Variants in SLC35D4 observed in about 807,000 individuals in gnomAD.
The protein encoded by SLC35D4 is solute carrier family 35 member D4.
chr18:23,255,840 C>T, the SLC35D4 span, among the ~76,000 whole-genome samples: 3 of 152,216 alleles, frequency 2.0e-5, no homozygotes, highest in South Asian at 4.2e-4. Context: ...GGATTTTAGG[C>T]GTGAGTCACC....
At chr18:23,261,846 C>T in the SLC35D4 span, among the ~76,000 whole-genome samples, 5 of 152,196 alleles carry the variant, frequency 3.3e-5, no homozygotes, top group African/African-American at 1.2e-4. Context: ...TACATTTATA[C>T]GGAATGCTTT....
chr18:23,243,690 T>C, the SLC35D4 span, among the ~76,000 whole-genome samples: 1 of 151,766 alleles, frequency 6.6e-6, no homozygotes, highest in Non-Finnish European at 1.5e-5. Flanking sequence ...CTGGCCAACA[T>C]GGCAAAACCG....
chr18:23,389,463 G>C, the SLC35D4 span, among the ~76,000 whole-genome samples: 1 of 152,138 alleles, frequency 6.6e-6, no homozygotes, highest in African/African-American at 2.4e-5. Flanking sequence ...AAGCTAACAG[G>C]CTTTAAAGAC....
the SLC35D4 span, among the ~76,000 whole-genome samples, chr18:23,279,123 T>C: frequency 6.6e-6 from 1 of 152,206 alleles, no homozygotes; most frequent in Non-Finnish European, 1.5e-5. Context: ...CTCCTTCAGC[T>C]TCTGCTCCAC....
At chr18:23,416,098 C>A in the SLC35D4 span, among the ~76,000 whole-genome samples, 1 of 152,144 alleles carries the variant, frequency 6.6e-6, no homozygotes, top group East Asian at 1.9e-4. Flanking sequence ...GTAATCTCAG[C>A]TACTCAGGAA....
chr18:23,286,117 A>G, the SLC35D4 span, among the ~76,000 whole-genome samples: 1 of 152,224 alleles, frequency 6.6e-6, no homozygotes, highest in Non-Finnish European at 1.5e-5. Context: ...CTCAAACCCT[A>G]CAACAGGACT....
the SLC35D4 span, among the ~76,000 whole-genome samples, chr18:23,249,493 C>T: frequency 1.9e-3 from 293 of 152,284 alleles, no homozygotes; most frequent in African/African-American, 6.6e-3. Context: ...GGTGCAGGTG[C>T]GAGGCCCCAC....
At chr18:23,243,654 C>T in the SLC35D4 span, among the ~76,000 whole-genome samples, 1 of 151,774 alleles carries the variant, frequency 6.6e-6, no homozygotes, top group South Asian at 2.1e-4. Flanking sequence ...GGGTGGATCA[C>T]CTGAGGTCAG....
the SLC35D4 span, among the ~76,000 whole-genome samples, chr18:23,266,827 C>T: frequency 6.6e-6 from 1 of 152,234 alleles, no homozygotes; most frequent in African/African-American, 2.4e-5. Flanking sequence ...GCCCCCTCAG[C>T]GGCACCCGCC....
At chr18:23,256,086 C>G in the SLC35D4 span, among the ~76,000 whole-genome samples, 1 of 152,162 alleles carries the variant, frequency 6.6e-6, no homozygotes, top group African/African-American at 2.4e-5. Context: ...CAGCCACTTA[C>G]GGTAGCAAGA....
the SLC35D4 span, among the ~76,000 whole-genome samples, chr18:23,349,501 C>T: frequency 1.8e-3 from 278 of 152,232 alleles, 1 homozygote; most frequent in African/African-American, 6.3e-3. Context: ...CGTGGTGGCA[C>T]GCACCTGTAG....
At chr18:23,394,014 A>T in the SLC35D4 span, among the ~76,000 whole-genome samples, 1 of 152,348 alleles carries the variant, frequency 6.6e-6, no homozygotes, top group East Asian at 1.9e-4. Context: ...AGCCAAATGA[A>T]TATGGATGCA....
chr18:23,391,945 T>C, the SLC35D4 span, among the ~76,000 whole-genome samples: 562 of 151,542 alleles, frequency 3.7e-3, 6 homozygotes, highest in South Asian at 0.037. Context: ...TCTTCTTCTT[T>C]TTTTTTTTTT....
the SLC35D4 span, among the ~76,000 whole-genome samples, chr18:23,316,134 C>T: frequency 6.6e-6 from 1 of 152,198 alleles, no homozygotes; most frequent in African/African-American, 2.4e-5. Context: ...CCTCCAACTC[C>T]AGCCACAAGG....
At chr18:23,315,749 G>C in the SLC35D4 span, among the ~76,000 whole-genome samples, 3 of 152,184 alleles carry the variant, frequency 2.0e-5, 1 homozygote, top group Non-Finnish European at 4.4e-5. Context: ...GCGGATCTAA[G>C]CCTAGATCTC....
the SLC35D4 span, among the ~76,000 whole-genome samples, chr18:23,365,278 G>C: frequency 1.3e-5 from 2 of 152,052 alleles, no homozygotes; most frequent in African/African-American, 4.8e-5. Flanking sequence ...TTGAACTTTT[G>C]AACTTTTTCA....
chr18:23,268,189 G>A, the SLC35D4 span, among the ~76,000 whole-genome samples: 6 of 152,134 alleles, frequency 3.9e-5, no homozygotes, highest in African/African-American at 1.4e-4. Flanking sequence ...ACACAGAGAG[G>A]AAGAATATGA....
At chr18:23,346,409 C>T in the SLC35D4 span, among the ~76,000 whole-genome samples, 1 of 152,190 alleles carries the variant, frequency 6.6e-6, no homozygotes, top group Non-Finnish European at 1.5e-5. Context: ...CATGAGCCAC[C>T]ACACCCTGCC....
At chr18:23,264,621 A>G in the SLC35D4 span, among the ~76,000 whole-genome samples, 1 of 152,130 alleles carries the variant, frequency 6.6e-6, no homozygotes, top group Middle Eastern at 3.4e-3. Context: ...TCGGCCTCCC[A>G]AAGTGCTGGG....
Sources: allele counts gnomAD v4.1 joint callset (sites outside exome capture counted in the v4.1 genomes callset), GRCh38; gene constraint gnomAD v4.1.1; transcripts MANE v1.5; gene names NCBI Gene and HGNC (gene_info 2026-07-23, HGNC 2026-07-21).